The following ALG12 variants were observed in gnomAD, a reference collection of about 807,000 sequenced individuals.
ALG12 encodes the protein ALG12 alpha-1,6-mannosyltransferase.
In ALG12, 36 loss-of-function variants were observed where a neutral mutation model predicts 46.0. That is an observed-to-expected ratio of 0.78 (90% CI 0.60 to 1.03). The LOEUF is 1.03. ALG12 is among the 50% of genes least tolerant of loss of function. The probability of loss-of-function intolerance (pLI) is 0.00; values close to 1 mark genes in which losing one functional copy is unlikely to be tolerated. For synonymous variants in ALG12, 326 were observed against 291.6 expected, an observed-to-expected ratio of 1.12 and a Z score of -1.20; for missense variants, 599 against 633.5, an observed-to-expected ratio of 0.95 and a Z score of 0.58.
intron 1 of ALG12, among the ~76,000 whole-genome samples, chr22:49,915,555 T>C (rs1162022123): frequency 1.3e-5 from 2 of 152,056 alleles, no homozygotes; most frequent in Non-Finnish European, 2.9e-5. Context: ...TGACTCCGTC[T>C]CAGAAATAAA....
the ALG12 span, among the ~76,000 whole-genome samples, chr22:49,876,250 C>T: frequency 6.6e-6 from 1 of 152,010 alleles, no homozygotes; most frequent in Admixed American, 6.6e-5. Flanking sequence ...AATGTGTATT[C>T]CGTTGTTGTT....
chr22:49,873,636 T>C, the ALG12 span, among the ~76,000 whole-genome samples: 1 of 130,706 alleles, frequency 7.7e-6, no homozygotes, highest in Admixed American at 6.7e-5. Context: ...AAACCTCCAA[T>C]TTGGGGGAAA....
chr22:49,874,002 G>C, the ALG12 span, among the ~76,000 whole-genome samples: 102 of 152,386 alleles, frequency 6.7e-4, 1 homozygote, highest in African/African-American at 2.2e-3. Flanking sequence ...GAATGAGCTT[G>C]AGTCCTGTGA....
chr22:49,910,668 T>G, intron 3 of ALG12, 61 bp from the exon 4 acceptor site: 1 of 1,580,972 alleles, frequency 6.3e-7, no homozygotes, highest in Non-Finnish European at 8.7e-7. Context: ...TGGGGCCCCC[T>G]ACGTGGGTCC....
the ALG12 span, chr22:49,885,747 C>T: frequency 3.6e-5 from 57 of 1,604,006 alleles, no homozygotes; most frequent in South Asian, 4.5e-4. Flanking sequence ...ACTCCCTCCC[C>T]GCCCCTTCCT....
intron 3 of ALG12, 48 bp downstream of exon 3, chr22:49,913,337 G>A (rs772696989): frequency 3.1e-6 from 5 of 1,611,402 alleles, no homozygotes; most frequent in Non-Finnish European, 4.2e-6. Flanking sequence ...GTCACCCGAT[G>A]ACACCACAGT....
intron 3 of ALG12, among the ~76,000 whole-genome samples, chr22:49,911,611 T>C (rs990109348): frequency 1.3e-5 from 2 of 152,038 alleles, no homozygotes. Flanking sequence ...ATTTTTGTAT[T>C]TTTAGTAGAG....
Position 49,910,716 on chromosome 22 carries a change from G to A in ALG12, c.296-109C>T, listed in dbSNP as rs34385787. 6,452 of 1,305,740 alleles carry A rather than the reference G, an allele frequency of 4.9e-3. 226 individuals carry two copies. In the African/African-American group the frequency reaches 0.077, roughly 15 times the overall value. 80.9% of individuals were successfully genotyped at this position (1,305,740 alleles called of 1,614,324 possible). On this transcript the variant is annotated intron_variant, in intron 3 of 9. Coordinates refer to ENST00000330817, the MANE Select transcript of ALG12 (RefSeq NM_024105.4). Reference sequence around the variant, plus strand: ...CTTTCTATATGGAGTTTTCTATGCTGCTGCAATGCCAGCTGACGGCTACGT... The same window carrying A: ...CTTTCTATATGGAGTTTTCTATGCTACTGCAATGCCAGCTGACGGCTACGT...
chr22:49,874,778 G>A, the ALG12 span, among the ~76,000 whole-genome samples: 1 of 136,778 alleles, frequency 7.3e-6, no homozygotes, highest in Non-Finnish European at 1.5e-5. Context: ...TCCCGTCCAG[G>A]TTCAAGCGAT....
the ALG12 span, chr22:49,888,506 C>T: frequency 3.6e-5 from 6 of 167,224 alleles, no homozygotes; most frequent in African/African-American, 1.4e-4. Context: ...TCTTTGTGGT[C>T]CATTATCTAG....
intron 1 of ALG12, among the ~76,000 whole-genome samples, chr22:49,914,592 CG>C (rs1569178664): frequency 6.6e-6 from 1 of 152,176 alleles, no homozygotes; most frequent in Admixed American, 6.5e-5. Flanking sequence ...AGCTGCTACA[CG>C]TGAGAGACCA....
At chr22:49,894,829 G>A in the ALG12 span, among the ~76,000 whole-genome samples, 4 of 152,258 alleles carry the variant, frequency 2.6e-5, no homozygotes, top group African/African-American at 9.6e-5. Flanking sequence ...CCCTGGTTGA[G>A]CAGCCTTGAG....
At chr22:49,859,841 C>T in the ALG12 span, among the ~76,000 whole-genome samples, 16 of 152,196 alleles carry the variant, frequency 1.1e-4, no homozygotes, top group African/African-American at 1.4e-4. Context: ...GTCTAGGCAG[C>T]GTGGCAGAAC....
rs76354698 is a variant in ALG12, at chr22:49,909,376, C to G, written c.665-29G>C. On this transcript the variant is annotated intron_variant, in intron 5 of 9. Transcript: ENST00000330817. ...ACAAAATAAAATAGAGTTTCTTAGT[C>G]GCAAACACAGCCATCAGTAAACATC... is the stretch of plus-strand genomic sequence containing the variant. 3.7e-6 allele frequency: 6 copies of G among 1,605,304 alleles called. No homozygotes were observed. In the African/African-American group the frequency reaches 8.0e-5, roughly 21 times the overall value.
chr22:49,874,698 TGAGACGGAG>T, the ALG12 span, among the ~76,000 whole-genome samples: 1 of 142,292 alleles, frequency 7.0e-6, no homozygotes, highest in Non-Finnish European at 1.5e-5. Flanking sequence ...TTTTTTTTTT[TGAGACGGAG>T]TCTCACTCTG....
intron 3 of ALG12, among the ~76,000 whole-genome samples, chr22:49,912,885 G>T (rs140796640): frequency 6.6e-6 from 1 of 151,748 alleles, no homozygotes; most frequent in East Asian, 1.9e-4. Context: ...AAAAAAAATC[G>T]GTTTTTAGAA....
At chr22:49,860,800 AC>A in the ALG12 span, among the ~76,000 whole-genome samples, 9 of 144,732 alleles carry the variant, frequency 6.2e-5, no homozygotes, top group South Asian at 1.7e-3. Context: ...TTTTTTTGAG[AC>A]AGAGTCTTGC....
In ALG12 at chr22:49,917,656, A is replaced by T. The variant is rs150640302; in HGVS notation, c.-79+607T>A. On this transcript the variant is annotated intron_variant, in intron 1 of 9. Coordinates refer to ENST00000330817, the MANE Select transcript of ALG12 (RefSeq NM_024105.4). ...GCACTCCAGCCTGGGCGACAAAGTG[A>T]GACTCCGTCTCAAAAAAACAGAAAA... is the stretch of plus-strand genomic sequence containing the variant. Among the ~76,000 whole-genome samples the T allele has an allele frequency of 2.0e-3, 307 of 151,888 alleles. 2 individuals carry two copies. The highest frequency in any genetic ancestry group is 0.014 in the Middle Eastern group (4 of 294).
At chr22:49,892,203 A>C in the ALG12 span, among the ~76,000 whole-genome samples, 1 of 151,872 alleles carries the variant, frequency 6.6e-6, no homozygotes, top group Non-Finnish European at 1.5e-5. Flanking sequence ...AAAAAAAAAA[A>C]AAAAAAAAAC....
Sources: allele counts gnomAD v4.1 joint callset (sites outside exome capture counted in the v4.1 genomes callset), GRCh38; gene constraint gnomAD v4.1.1; transcripts MANE v1.5; gene names NCBI Gene and HGNC (gene_info 2026-07-23, HGNC 2026-07-21).